HMSD: variants seen among roughly 807,000 people sequenced by gnomAD.
HMSD encodes histocompatibility minor serpin domain containing.
A neutral mutation model predicts 10.0 loss-of-function variants in HMSD; 13 were observed. That is an observed-to-expected ratio of 1.31 (90% CI 0.85 to 2.08). The LOEUF (loss-of-function observed/expected upper bound fraction) is 2.08. HMSD is among the 30% of genes most tolerant of loss of function. The pLI, the probability that HMSD is intolerant of heterozygous loss-of-function variation, is 0.00. For missense variants in HMSD, 169 were observed against 166.3 expected, an observed-to-expected ratio of 1.02 and a Z score of -0.09; for synonymous variants, 51 against 54.2, an observed-to-expected ratio of 0.94 and a Z score of 0.26.
At chr18:63,951,367 G>GA (rs771066874) in intron 1 of HMSD, among the ~76,000 whole-genome samples, 37 of 152,262 alleles carry the variant, frequency 2.4e-4, no homozygotes, top group Middle Eastern at 3.4e-3. Flanking sequence ...TATAATAATA[G>GA]AAAAAATTGG....
At chr18:63,963,046 T>TTTTCTTTCTTTC (rs148830154), downstream of HMSD, among the ~76,000 whole-genome samples, 32 of 125,426 alleles carry the variant, frequency 2.6e-4, 3 homozygotes, top group African/African-American at 9.6e-4. Flanking sequence ...TCAGATGTAG[T>TTTTCTTTCTTTC]TTTCTTTCTT....
In HMSD at chr18:63,960,474, G is replaced by A. The variant is rs1331262395; in HGVS notation, c.*119G>A. 8 of 1,374,056 alleles carry A rather than the reference G, an allele frequency of 5.8e-6. No individual in the cohort carries two copies. In the East Asian group the frequency reaches 1.9e-4, roughly 32 times the overall value. The allele number at this position is 1,374,056 out of a possible 1,614,324, so 85.1% of individuals were successfully genotyped here. A position where few individuals can be genotyped will look rare whatever the true frequency, so the allele number is the denominator to read the frequency against. ...TTTTCCCTTATCAAGTATCTGTGAT[G>A]TCTCTCTAGATGAAATAATCTCTTC... On this transcript the variant is annotated 3_prime_UTR_variant, in exon 4 of 4. Transcript: ENST00000408945.
At chr18:63,959,251 C>A (rs187796658) in intron 3 of HMSD, among the ~76,000 whole-genome samples, 1 of 152,314 alleles carries the variant, frequency 6.6e-6, no homozygotes, top group East Asian at 1.9e-4. Context: ...AACTTCCACA[C>A]TGTCTTCCAA....
At chr18:63,963,119 T>G (rs1488786245), downstream of HMSD, among the ~76,000 whole-genome samples, 1 of 136,720 alleles carries the variant, frequency 7.3e-6, no homozygotes, top group African/African-American at 2.7e-5. Flanking sequence ...CTTTCTTTCT[T>G]TCTTTCTTTC....
chr18:63,959,932 G>A (rs2050377393), intron 3 of HMSD, among the ~76,000 whole-genome samples: 1 of 152,108 alleles, frequency 6.6e-6, no homozygotes, highest in African/African-American at 2.4e-5. Context: ...TCCAGCAGTT[G>A]ATGAAAATCA....
Sources: gnomAD v4.1 joint callset for allele counts (sites outside exome capture counted in the v4.1 genomes callset) on GRCh38, gnomAD v4.1.1 for gene constraint, MANE v1.5 for transcripts, NCBI Gene and HGNC (gene_info 2026-07-23, HGNC 2026-07-21) for gene names.